Variants in ZNF609 observed in about 807,000 individuals in gnomAD.
The protein encoded by ZNF609 is zinc finger protein 609.
In ZNF609, 11 loss-of-function variants were observed where a neutral mutation model predicts 109.5. The observed-to-expected ratio is 0.10, with a 90% CI of 0.06 to 0.17. The LOEUF (loss-of-function observed/expected upper bound fraction) is 0.17. ZNF609 is among the 10% of genes least tolerant of loss of function. ZNF609 has a pLI of 1.00. For synonymous variants in ZNF609, 646 were observed against 662.0 expected (o/e 0.98, Z 0.37); for missense variants, 1,559 against 1,772.4 (o/e 0.88, Z 2.16).
At chr15:64,586,528 G>C (rs1432925579) in intron 2 of ZNF609, among the ~76,000 whole-genome samples, 2 of 151,992 alleles carry the variant, frequency 1.3e-5, no homozygotes, top group African/African-American at 4.8e-5. Context: ...TCATAGGAGC[G>C]GGAACCCTAT....
At chr15:64,649,422 A>G (rs1049594571) in intron 3 of ZNF609, among the ~76,000 whole-genome samples, 4 of 152,058 alleles carry the variant, frequency 2.6e-5, no homozygotes, top group Non-Finnish European at 4.4e-5. Context: ...ACATGCACAC[A>G]CCCATGCTGC....
In ZNF609 at chr15:64,676,028, C is replaced by G. The variant is rs1896805790; in HGVS notation, c.3174C>G (p.Asp1058Glu). The G allele has an allele frequency of 6.2e-7, 1 of 1,614,110 alleles. No homozygotes were observed. Among genetic ancestry groups the G allele is most frequent in the African/African-American group, 1.3e-5 (1 of 74,930 alleles). The stretch of plus-strand genomic sequence containing the variant: ...TCACCAAGGCCCCCAGCCTGACAGA[C>G]CTGGTGAAATCAGGACCTGGCAAGG... ...PTLTKAPSLT[D>E]LVKSGPGKAK... Residue 1058 changes from aspartate (D) to glutamate (E), a missense_variant, in exon 5 of 10, where the codon GAC becomes GAG. Around this residue, in one of 4 missense-constraint regions of ZNF609, gnomAD observed 1,204 missense variants for 1,314.1 expected, o/e 0.92. Coordinates refer to ENST00000326648, the MANE Select transcript of ZNF609 (RefSeq NM_015042.2).
intron 2 of ZNF609, among the ~76,000 whole-genome samples, chr15:64,591,754 G>A (rs1425087956): frequency 1.3e-5 from 2 of 151,572 alleles, no homozygotes; most frequent in Non-Finnish European, 2.9e-5. Flanking sequence ...CAGAGTCTTG[G>A]TCTGTCACTA....
chr15:64,503,581 G>A (rs935479297), intron 2 of ZNF609, among the ~76,000 whole-genome samples: 2 of 152,254 alleles, frequency 1.3e-5, no homozygotes, highest in East Asian at 3.9e-4. Context: ...CAGGGCTTAC[G>A]ACCAGGAGTT....
At chr15:64,653,847 C>G (rs1330056479) in intron 3 of ZNF609, among the ~76,000 whole-genome samples, 1 of 152,050 alleles carries the variant, frequency 6.6e-6, no homozygotes, top group Non-Finnish European at 1.5e-5. Context: ...TCACACTCTC[C>G]TAGACTGGGA....
chr15:64,539,034 T>C (rs931961396), intron 2 of ZNF609, among the ~76,000 whole-genome samples: 18 of 149,300 alleles, frequency 1.2e-4, no homozygotes, highest in South Asian at 2.1e-4. Flanking sequence ...GATGGAGTCT[T>C]GTTCTGTCAC....
At chr15:64,626,764 C>A (rs1702657765) in intron 3 of ZNF609, among the ~76,000 whole-genome samples, 3 of 152,154 alleles carry the variant, frequency 2.0e-5, no homozygotes, top group African/African-American at 7.2e-5. Context: ...CCTGCAGATT[C>A]CATTTCTTTT....
chr15:64,562,721 G>A (rs1894699370), intron 2 of ZNF609, among the ~76,000 whole-genome samples: 1 of 127,744 alleles, frequency 7.8e-6, no homozygotes, highest in Admixed American at 9.7e-5. Context: ...TATAGCCCGA[G>A]TTTAAAGAAG....
At chr15:64,505,933 C>G (rs1046677044) in intron 2 of ZNF609, among the ~76,000 whole-genome samples, 3 of 151,920 alleles carry the variant, frequency 2.0e-5, no homozygotes, top group African/African-American at 7.3e-5. Context: ...TGTGATCGCA[C>G]TAGTGCACTC....
chr15:64,540,476 C>T (rs1427174128), intron 2 of ZNF609, among the ~76,000 whole-genome samples: 2 of 151,944 alleles, frequency 1.3e-5, no homozygotes, highest in Non-Finnish European at 2.9e-5. Context: ...GCAATCTTGA[C>T]TCATTGCAAC....
chr15:64,646,971 G>A (rs955577976), intron 3 of ZNF609, among the ~76,000 whole-genome samples: 2 of 148,302 alleles, frequency 1.3e-5, no homozygotes, highest in Non-Finnish European at 3.0e-5. Context: ...AATCAACCTG[G>A]TATGGTAACA....
intron 2 of ZNF609, among the ~76,000 whole-genome samples, chr15:64,572,990 C>T (rs1055461626): frequency 1.3e-4 from 20 of 152,270 alleles, no homozygotes; most frequent in Admixed American, 3.3e-4. Flanking sequence ...AAGCATGGAC[C>T]TAGATTTTGG....
At chr15:64,545,342 G>A (rs1157757913) in intron 2 of ZNF609, among the ~76,000 whole-genome samples, 2 of 151,968 alleles carry the variant, frequency 1.3e-5, no homozygotes, top group Non-Finnish European at 2.9e-5. Flanking sequence ...GGAACTATAG[G>A]CTCACGCTAC....
chr15:64,641,219 CTT>C (rs34007985), intron 3 of ZNF609, among the ~76,000 whole-genome samples: 2 of 69,734 alleles, frequency 2.9e-5, no homozygotes, highest in Non-Finnish European at 5.2e-5. Context: ...CTTGTGCTTT[CTT>C]TTTTTTTTTT....
chr15:64,499,401 G>T lies in ZNF609; in HGVS notation c.-19G>T. 2 of 1,606,620 alleles carry T rather than the reference G, an allele frequency of 1.2e-6. No homozygotes were observed. Among genetic ancestry groups the T allele is most frequent in the Non-Finnish European group, 1.7e-6 (2 of 1,175,460 alleles). On this transcript the variant is annotated 5_prime_UTR_variant, in exon 2 of 10. Transcript: ENST00000326648. ...GCAAGGAAGAGCCTTGAATCTTGAG[G>T]TGGGACGTTGACTCTAAGATGTCCT...
intron 1 of ZNF609, chr15:64,470,591 G>A (rs1368857229): frequency 6.6e-6 from 1 of 151,832 alleles, no homozygotes; most frequent in Non-Finnish European, 1.5e-5. Flanking sequence ...GCGTGATCTT[G>A]GTTCACTGCA....
At chr15:64,626,740 T>C (rs1163664971) in intron 3 of ZNF609, among the ~76,000 whole-genome samples, 1 of 152,226 alleles carries the variant, frequency 6.6e-6, no homozygotes, top group Non-Finnish European at 1.5e-5. Context: ...AAACCTTGGA[T>C]GCATTTTTAA....
rs759233011 is a variant in ZNF609 at position 64,675,564 on chromosome 15, G to T, written c.2710G>T (p.Ala904Ser). Residue 904 changes from alanine to serine, a missense_variant, in exon 5 of 10, where the codon GCA (alanine) becomes TCA (serine). This residue lies in a region of ZNF609 where 1,204 missense variants were observed against 1,314.1 expected (regional missense o/e 0.92). Coordinates refer to ENST00000326648, the MANE Select transcript of ZNF609 (RefSeq NM_015042.2). The part of the protein sequence containing the change: ...GFESYYSPSY[A>S]QSSPGALNPS... ...TGAGAGTTACTATTCTCCAAGTTATGCACAGTCCAGCCCTGGGGCTCTGAA... is the reference window on the plus strand; with the variant it reads ...TGAGAGTTACTATTCTCCAAGTTATTCACAGTCCAGCCCTGGGGCTCTGAA... 8 of 1,614,176 alleles carry T rather than the reference G, an allele frequency of 5.0e-6. No individual in the cohort carries two copies. In the South Asian group the frequency reaches 7.7e-5, roughly 16 times the overall value.
At chr15:64,681,285 T>C in intron 8 of ZNF609, 24 bp from the exon 9 acceptor site, 1 of 1,611,512 alleles carries the variant, frequency 6.2e-7, no homozygotes, top group Non-Finnish European at 8.5e-7. Context: ...AGTGCTACAC[T>C]AACATGTTCT....
Sources: gnomAD v4.1 joint callset for allele counts (sites outside exome capture counted in the v4.1 genomes callset) on GRCh38, gnomAD v4.1.1 for gene constraint, gnomAD v4.1.1 regional missense constraint, MANE v1.5 for transcripts, NCBI Gene and HGNC (gene_info 2026-07-23, HGNC 2026-07-21) for gene names.